The following NHSL1 variants were observed in gnomAD, a reference collection of about 807,000 sequenced individuals.
NHSL1 encodes the protein NHS like 1.
A neutral mutation model predicts 95.0 loss-of-function variants in NHSL1; 48 were observed. That is an observed-to-expected ratio of 0.51 (90% CI 0.40 to 0.64). The LOEUF is 0.64. Among genes scored for constraint, NHSL1 ranks in the 30% least tolerant of loss-of-function variants. NHSL1 has a pLI of 0.00. For synonymous variants in NHSL1, 783 were observed against 833.9 expected (o/e 0.94, Z 1.05); for missense variants, 1,971 against 2,077.7 (o/e 0.95, Z 1.00).
At chr6:138,444,382 G>A (rs1562277224) in intron 4 of NHSL1, among the ~76,000 whole-genome samples, 1 of 152,100 alleles carries the variant, frequency 6.6e-6, no homozygotes, top group Non-Finnish European at 1.5e-5. Flanking sequence ...AGATGGAAGA[G>A]TTGTTGTCCC....
chr6:138,575,834 G>A (rs1351842416), upstream of NHSL1, among the ~76,000 whole-genome samples: 1 of 152,094 alleles, frequency 6.6e-6, no homozygotes, highest in African/African-American at 2.4e-5. Flanking sequence ...TAGTTATGTG[G>A]ATTATCAACC....
At position 138,432,071 on chromosome 6, in the gene NHSL1, G is replaced by T. The variant is rs1404279413; in HGVS notation, c.2274C>A (p.Ser758=). 2 of 1,551,574 alleles carry T rather than the reference G, an allele frequency of 1.3e-6. No individual in the cohort carries two copies. The highest frequency in any genetic ancestry group is 4.9e-5 in the East Asian group (2 of 40,926). The change falls in exon 6 of 8, where the codon TCC becomes TCA. Residue 758 remains serine, a synonymous_variant. Transcript: ENST00000343505. The surrounding 1 kb of genome is among the most constrained non-coding windows in gnomAD (Gnocchi z 4.4). The stretch of plus-strand genomic sequence containing the variant: ...TCTGCGATGGCGTGGCCCCGCACAG[G>T]GAGTAGACATTGGGGGTGGTGGCGG... The part of the protein sequence containing the change: ...MTSATTPNVY[S]LCGATPSQSD...
At chr6:138,486,126 A>G (rs561237865) in intron 2 of NHSL1, among the ~76,000 whole-genome samples, 1 of 152,070 alleles carries the variant, frequency 6.6e-6, no homozygotes, top group African/African-American at 2.4e-5. Flanking sequence ...ACATCCTCCC[A>G]TTCTCTTTCC....
At chr6:138,455,470 CCGCCTT>C (rs1777526968) in intron 3 of NHSL1, among the ~76,000 whole-genome samples, 1 of 26,810 alleles carries the variant, frequency 3.7e-5, no homozygotes, top group Non-Finnish European at 1.5e-4. Flanking sequence ...GCAAGGAGCC[CCGCCTT>C]CACATGCTCC....
rs1381384835 is a variant in NHSL1 at position 138,422,933 on chromosome 6, T to C, written c.*1148A>G. On this transcript the variant is annotated 3_prime_UTR_variant, in exon 8 of 8. Coordinates refer to ENST00000343505, the MANE Select transcript of NHSL1 (RefSeq NM_001144060.2). ...AAGTAAGATAATATATAATAGATTT[T>C]GATAAATCTTTCTGAATTAGGACAT... is the stretch of plus-strand genomic sequence containing the variant. 2 of 152,070 alleles carry C rather than the reference T, an allele frequency of 1.3e-5. No homozygotes were observed. The highest frequency in any genetic ancestry group is 2.9e-5 in the Non-Finnish European group (2 of 67,998). 9.4% of individuals were successfully genotyped at this position (152,070 alleles called of 1,614,324 possible).
chr6:138,539,400 T>C lies in NHSL1; in HGVS notation c.16+6223A>G, dbSNP rs190653693. ...TACATCTGTACCTGGTTAATGGTGG[T>C]GACATGATGTCCTGCCTTTATCACA... On this transcript the variant is annotated intron_variant, in intron 1 of 4. Coordinates refer to the NHSL1 transcript ENST00000342260. Among the ~76,000 whole-genome samples, 47 of 152,326 alleles carry C rather than the reference T, an allele frequency of 3.1e-4. 2 individuals carry two copies. The highest frequency in any genetic ancestry group is 9.6e-4 in the African/African-American group (40 of 41,574).
chr6:138,544,983 CTT>C (rs35979187), intron 1 of NHSL1, among the ~76,000 whole-genome samples: 896 of 83,352 alleles, frequency 0.011, 7 homozygotes, highest in African/African-American at 0.035. Flanking sequence ...TCTTTCTTTT[CTT>C]TTTTTTTTTT....
chr6:138,614,650 G>A (rs537173811), intron 1 of NHSL1, among the ~76,000 whole-genome samples: 1 of 152,120 alleles, frequency 6.6e-6, no homozygotes, highest in African/African-American at 2.4e-5. Flanking sequence ...CATGTCAGGG[G>A]GTCCACAACC....
At chr6:138,685,782 A>C (rs1785577882) in intron 1 of NHSL1, among the ~76,000 whole-genome samples, 1 of 152,170 alleles carries the variant, frequency 6.6e-6, no homozygotes, top group Non-Finnish European at 1.5e-5. Flanking sequence ...TCCCTCATCA[A>C]AAGAATCAAA....
intron 1 of NHSL1, among the ~76,000 whole-genome samples, chr6:138,595,738 TAAG>T (rs1428948713): frequency 6.6e-6 from 1 of 152,176 alleles, no homozygotes; most frequent in Admixed American, 6.5e-5. Context: ...AATGAATGGG[TAAG>T]AATAGCACAG....
chr6:138,652,675 G>A (rs954683921), intron 1 of NHSL1, among the ~76,000 whole-genome samples: 100 of 152,080 alleles, frequency 6.6e-4, no homozygotes, highest in African/African-American at 2.3e-3. Context: ...AAATTAGTTA[G>A]ATCATCACTG....
chr6:138,562,682 C>G (rs1448784958), intron 1 of NHSL1, among the ~76,000 whole-genome samples: 1 of 151,990 alleles, frequency 6.6e-6, no homozygotes, highest in Non-Finnish European at 1.5e-5. Context: ...AAATATATAG[C>G]CTAACATGAA....
At chr6:138,504,588 T>C (rs866795989) in intron 1 of NHSL1, among the ~76,000 whole-genome samples, 1 of 152,154 alleles carries the variant, frequency 6.6e-6, no homozygotes, top group Middle Eastern at 3.4e-3. Flanking sequence ...GGAAAGGTGG[T>C]GGGGAAGATG....
intron 1 of NHSL1, among the ~76,000 whole-genome samples, chr6:138,688,471 C>G (rs1429058057): frequency 6.6e-6 from 1 of 151,690 alleles, no homozygotes. Context: ...TGGTGAAACC[C>G]CATCTCTACT....
intron 7 of NHSL1, among the ~76,000 whole-genome samples, chr6:138,428,895 G>A (rs950378282): frequency 1.3e-5 from 2 of 152,234 alleles, no homozygotes; most frequent in African/African-American, 4.8e-5. Context: ...AGTCTAGAAG[G>A]AAGCAAAAGG....
intron 3 of NHSL1, among the ~76,000 whole-genome samples, chr6:138,469,575 A>C (rs1026506179): frequency 2.0e-5 from 3 of 152,056 alleles, no homozygotes; most frequent in Non-Finnish European, 2.9e-5. Flanking sequence ...AAATACAAGA[A>C]TCAGCTGGGC....
intron 1 of NHSL1, among the ~76,000 whole-genome samples, chr6:138,510,558 G>A (rs1781173126): frequency 6.6e-6 from 1 of 152,162 alleles, no homozygotes; most frequent in Non-Finnish European, 1.5e-5. Flanking sequence ...AAGCATGAGT[G>A]CTACAAGGGT....
At chr6:138,541,474 A>C (rs1444033893) in intron 1 of NHSL1, among the ~76,000 whole-genome samples, 2 of 152,236 alleles carry the variant, frequency 1.3e-5, no homozygotes, top group Non-Finnish European at 2.9e-5. Flanking sequence ...TAACAATCAC[A>C]CCAATGATTT....
chr6:138,502,509 G>T (rs897405605), upstream of NHSL1, among the ~76,000 whole-genome samples: 1 of 151,968 alleles, frequency 6.6e-6, no homozygotes, highest in African/African-American at 2.4e-5. Flanking sequence ...TAAAGATAGG[G>T]TACTATGTTG....
Sources: allele counts gnomAD v4.1 joint callset (sites outside exome capture counted in the v4.1 genomes callset), GRCh38; gene constraint gnomAD v4.1.1; non-coding constraint Gnocchi (gnomAD v3.1); transcripts MANE v1.5; gene names NCBI Gene and HGNC (gene_info 2026-07-23, HGNC 2026-07-21).